CYB5R4: variants seen among roughly 807,000 people sequenced by gnomAD.
The protein encoded by CYB5R4 is N-terminal cytochrome b5 and cytochrome b5 oxidoreductase domain-containing protein.
A neutral mutation model predicts 70.2 loss-of-function variants in CYB5R4; 55 were observed. That is an observed-to-expected ratio of 0.78 (90% CI 0.63 to 0.98). The LOEUF (loss-of-function observed/expected upper bound fraction) is 0.98. Among genes scored for constraint, CYB5R4 ranks in the 50% least tolerant of loss-of-function variants. CYB5R4 has a pLI of 0.00. For missense variants in CYB5R4, 562 were observed against 612.6 expected, an observed-to-expected ratio of 0.92 and a Z score of 0.87; for synonymous variants, 197 against 199.5, an observed-to-expected ratio of 0.99 and a Z score of 0.11.
intron 15 of CYB5R4, among the ~76,000 whole-genome samples, chr6:83,958,019 C>T (rs1165514339): frequency 1.3e-5 from 2 of 152,018 alleles, no homozygotes; most frequent in East Asian, 3.9e-4. Flanking sequence ...ATGTCCACTC[C>T]TAGAGTGCTG....
intron 1 of CYB5R4, among the ~76,000 whole-genome samples, chr6:83,860,293 A>G (rs2129126581): frequency 6.6e-6 from 1 of 152,252 alleles, no homozygotes; most frequent in Middle Eastern, 3.4e-3. Context: ...AAGGCTTGGC[A>G]GTGGCGACAG....
intron 5 of CYB5R4, among the ~76,000 whole-genome samples, chr6:83,915,619 G>A (rs2129139041): frequency 6.6e-6 from 1 of 152,276 alleles, no homozygotes; most frequent in African/African-American, 2.4e-5. Flanking sequence ...TAATTTCTCA[G>A]TAAAAGGTGG....
chr6:83,876,660 T>A (rs551271156), intron 2 of CYB5R4, among the ~76,000 whole-genome samples: 1 of 152,190 alleles, frequency 6.6e-6, no homozygotes, highest in African/African-American at 2.4e-5. Flanking sequence ...TTATTCATTT[T>A]ACTTCTATAT....
intron 7 of CYB5R4, among the ~76,000 whole-genome samples, chr6:83,920,433 A>AC (rs1442861984): frequency 6.6e-6 from 1 of 152,038 alleles, no homozygotes; most frequent in Non-Finnish European, 1.5e-5. Context: ...ACAGTTCAAA[A>AC]CCCAGAGCAC....
At chr6:83,873,135 T>C (rs975760788) in intron 2 of CYB5R4, among the ~76,000 whole-genome samples, 1 of 150,990 alleles carries the variant, frequency 6.6e-6, no homozygotes, top group Non-Finnish European at 1.5e-5. Flanking sequence ...TTGAGTGACA[T>C]AACATAAATT....
At chr6:83,955,057 T>C (rs994633540) in intron 14 of CYB5R4, among the ~76,000 whole-genome samples, 1 of 151,792 alleles carries the variant, frequency 6.6e-6, no homozygotes, top group African/African-American at 2.4e-5. Context: ...ATTAGTTCAA[T>C]TTAAAAAAAA....
At chr6:83,940,268 C>A (rs2099469544) in intron 13 of CYB5R4, 62 bp downstream of exon 13, 2 of 1,441,138 alleles carry the variant, frequency 1.4e-6, no homozygotes, top group South Asian at 1.4e-5. Flanking sequence ...ATAAGGTATT[C>A]TAAATTGATT....
chr6:83,865,994 C>G (rs2099456667), intron 2 of CYB5R4, among the ~76,000 whole-genome samples: 3 of 152,154 alleles, frequency 2.0e-5, no homozygotes, highest in African/African-American at 4.8e-5. Flanking sequence ...TTCATGCTCC[C>G]TATCTGTTTA....
chr6:83,881,849 T>C (rs1238288093), intron 2 of CYB5R4, among the ~76,000 whole-genome samples: 1 of 152,210 alleles, frequency 6.6e-6, no homozygotes, highest in Non-Finnish European at 1.5e-5. Flanking sequence ...TTTTAAGCCT[T>C]TTTAGTTAAC....
chr6:83,921,102 A>G lies in CYB5R4; in HGVS notation c.585A>G (p.Ile195Met). The G allele has an allele frequency of 1.3e-6, 2 of 1,522,602 alleles. No homozygotes were observed. The highest frequency in any genetic ancestry group is 1.2e-5 in the South Asian group (1 of 83,158). The allele number at this position is 1,522,602 out of a possible 1,614,324, so 94.3% of individuals were successfully genotyped here. ...TTAAGGATATCAATTTAGACTCAAT[A>G]ATAGTTGATCATCAGAATGATTCCT... ...TKQKDINLDSIIVDHQNDSFR... is the reference protein window; with the variant it reads ...TKQKDINLDSMIVDHQNDSFR... The change falls in exon 8 of 16, where the codon ATA becomes ATG. Residue 195 changes from isoleucine (I) to methionine (M), a missense_variant. Transcript: ENST00000369681.
chr6:83,950,745 GA>G (rs1334244040), intron 14 of CYB5R4, among the ~76,000 whole-genome samples: 1 of 151,780 alleles, frequency 6.6e-6, no homozygotes, highest in Admixed American at 6.6e-5. Flanking sequence ...AAAGGTATAA[GA>G]AAAAAATCAC....
rs142951450 is a variant in CYB5R4, at chr6:83,940,076, A to T, written c.1129A>T (p.Ser377Cys). 1.4e-4 allele frequency: 227 copies of T among 1,598,190 alleles called. No individual in the cohort carries two copies. Among genetic ancestry groups the T allele is most frequent in the Non-Finnish European group, 1.6e-4 (191 of 1,172,626 alleles). ...TTTAGGAGATTTTGTTTCTGTAAGC[A>T]GTCCTGAGGGCAATTTTAAAATATC... is the stretch of plus-strand genomic sequence containing the variant. ...LQIGDFVSVS[S>C]PEGNFKISKF... is the part of the protein sequence containing the mutation. The change falls in exon 13 of 16, where the codon AGT becomes TGT. Residue 377 changes from serine (S) to cysteine (C), a missense_variant. Ser to Cys is a moderately radical substitution (Grantham distance 112, BLOSUM62 -1). Transcript: ENST00000369681.
chr6:83,961,890 ATTTATATTTTG>A lies in CYB5R4; in HGVS notation c.*2026_*2036del, dbSNP rs1442222745. 2.7e-5 allele frequency: 4 copies of A among 149,960 alleles called. No homozygotes were observed. The highest frequency in any genetic ancestry group is 2.0e-4 in the East Asian group (1 of 5,120). The allele number at this position is 149,960 out of a possible 1,614,324, so 9.3% of individuals were successfully genotyped here. A position where few individuals can be genotyped will look rare whatever the true frequency, so the allele number is the denominator to read the frequency against. On this transcript the variant is annotated 3_prime_UTR_variant, in exon 16 of 16. Coordinates refer to ENST00000369681, the MANE Select transcript of CYB5R4 (RefSeq NM_016230.4). ...TGTTTTATATTTTTGTTTATATTTT[ATTTATATTTTG>A]TTTATATTTTGTTATATTTTATTAT...
At chr6:83,931,223 T>G (rs1461355336) in intron 10 of CYB5R4, among the ~76,000 whole-genome samples, 2 of 152,258 alleles carry the variant, frequency 1.3e-5, no homozygotes, top group Non-Finnish European at 2.9e-5. Context: ...CCTACTGAGT[T>G]GGGACAAGAA....
chr6:83,959,084 T>C (rs956315450), intron 15 of CYB5R4, among the ~76,000 whole-genome samples: 2 of 152,208 alleles, frequency 1.3e-5, no homozygotes, highest in Non-Finnish European at 2.9e-5. Flanking sequence ...TGAGCCATAC[T>C]ACTGAATAAT....
At chr6:83,924,980 C>G (rs1328424158) in intron 10 of CYB5R4, among the ~76,000 whole-genome samples, 1 of 152,006 alleles carries the variant, frequency 6.6e-6, no homozygotes, top group African/African-American at 2.4e-5. Flanking sequence ...TACTATTTTT[C>G]TTCTTAATTA....
chr6:83,899,027 G>A (rs538611317), intron 3 of CYB5R4, among the ~76,000 whole-genome samples: 39 of 152,146 alleles, frequency 2.6e-4, no homozygotes, highest in East Asian at 3.9e-4. Context: ...GAGAGAGGGC[G>A]TCCCTGTGTT....
chr6:83,946,716 A>G (rs2099470675), intron 14 of CYB5R4, among the ~76,000 whole-genome samples: 1 of 152,226 alleles, frequency 6.6e-6, no homozygotes, highest in Admixed American at 6.5e-5. Context: ...AAGCAACTTC[A>G]GCAAAGTCTC....
At chr6:83,929,079 T>G (rs2099467760) in intron 10 of CYB5R4, among the ~76,000 whole-genome samples, 1 of 152,190 alleles carries the variant, frequency 6.6e-6, no homozygotes, top group South Asian at 2.1e-4. Context: ...ACTTGGAGTT[T>G]AGGAGATATT....
Sources: gnomAD v4.1 joint callset for allele counts (sites outside exome capture counted in the v4.1 genomes callset) on GRCh38, gnomAD v4.1.1 for gene constraint, MANE v1.5 for transcripts, NCBI Gene and HGNC (gene_info 2026-07-23, HGNC 2026-07-21) for gene names.